Variants in SLFN11 observed in about 807,000 individuals in gnomAD.
SLFN11 encodes the protein schlafen family member 11.
SLFN11 carries 43 observed loss-of-function variants against 53.4 expected under a neutral mutation model. The ratio of observed to expected loss-of-function variants is 0.80; its 90% CI spans 0.63 to 1.04. The LOEUF (loss-of-function observed/expected upper bound fraction) is 1.04. Among genes scored for constraint, SLFN11 ranks in the 50% least tolerant of loss-of-function variants. SLFN11 has a pLI of 0.00. For missense variants in SLFN11, 990 were observed against 1,079.1 expected (o/e 0.92, Z 1.16); for synonymous variants, 389 against 394.7 (o/e 0.99, Z 0.17).
chr17:35,352,452 T>C lies in SLFN11; in HGVS notation c.2610A>G (p.Pro870=), dbSNP rs1321878013. 6.2e-7 allele frequency: 1 copy of C among 1,614,120 alleles called. No individual in the cohort carries two copies. The highest frequency in any genetic ancestry group is 8.5e-7 in the Non-Finnish European group (1 of 1,180,044). The change falls in exon 7 of 7, where the codon CCA becomes CCG. Residue 870 remains proline, a synonymous_variant. Transcript: ENST00000685675. ...LERSIVFGIH[P]RTADPAILPN... ...GTAAGATAGCTGGGTCAGCTGTCCTTGGATGGATCCCAAACACTATGCTCC... is the reference window on the plus strand; with the variant it reads ...GTAAGATAGCTGGGTCAGCTGTCCTCGGATGGATCCCAAACACTATGCTCC...
rs1010541525 is a variant in SLFN11 at position 35,351,371 on chromosome 17, T to C, written c.*985A>G. The C allele has an allele frequency of 6.6e-6, 1 of 152,072 alleles. No individual in the cohort carries two copies. The highest frequency in any genetic ancestry group is 2.4e-5 in the African/African-American group (1 of 41,400). 9.4% of individuals were successfully genotyped at this position (152,072 alleles called of 1,614,324 possible). A position where few individuals can be genotyped will look rare whatever the true frequency, so the allele number is the denominator to read the frequency against. ...AGGTTGGGGCTTCAACACGGGAATT[T>C]GGGGGTGAAGGGTGGGACACAAACA... On this transcript the variant is annotated 3_prime_UTR_variant, in exon 7 of 7. Transcript: ENST00000685675.
At chr17:35,367,339 C>T (rs1909081264) in intron 2 of SLFN11, 1 of 152,090 alleles carries the variant, frequency 6.6e-6, no homozygotes. Flanking sequence ...CCACCATCTG[C>T]TTAGATTCTT....
rs1567816149 is a variant in SLFN11 at position 35,353,359 on chromosome 17, G to T, written c.1899C>A (p.Asn633Lys). 1 of 1,612,852 alleles carries T rather than the reference G, an allele frequency of 6.2e-7. No individual in the cohort carries two copies. Residue 633 changes from asparagine to lysine, a missense_variant, in exon 6 of 7, where the codon AAC (asparagine) becomes AAA (lysine). Transcript: ENST00000685675. Reference sequence around the variant, plus strand: ...ACCTGATAAAGTTCCTCAGAGGCTGGTTTTCACAAACGTAGAGAATTCTGT... The same window carrying T: ...ACCTGATAAAGTTCCTCAGAGGCTGTTTTTCACAAACGTAGAGAATTCTGT... Reference protein sequence around the residue: ...EAHRILYVCENQPLRNFISDR... With the variant: ...EAHRILYVCEKQPLRNFISDR...
At chr17:35,358,912 A>G (rs1907852009) in intron 5 of SLFN11, among the ~76,000 whole-genome samples, 1 of 152,024 alleles carries the variant, frequency 6.6e-6, no homozygotes, top group South Asian at 2.1e-4. Context: ...TAGCTTCTCA[A>G]GAAACTGAGG....
intron 5 of SLFN11, 155 bp downstream of exon 5, chr17:35,360,088 A>G: frequency 1.4e-6 from 1 of 735,030 alleles, no homozygotes; most frequent in Non-Finnish European, 2.2e-6. Flanking sequence ...GTTCATTTCT[A>G]AACCACTTAT....
chr17:35,356,556 C>A (rs564872262), intron 5 of SLFN11, among the ~76,000 whole-genome samples: 9 of 152,164 alleles, frequency 5.9e-5, no homozygotes, highest in African/African-American at 1.9e-4. Flanking sequence ...AGGTAGCAAA[C>A]CATTCAGCAA....
In SLFN11 at chr17:35,363,418, A is replaced by G; in HGVS notation, c.390T>C (p.Ser130=). 6.2e-7 allele frequency: 1 copy of G among 1,613,934 alleles called. No homozygotes were observed. The highest frequency in any genetic ancestry group is 8.5e-7 in the Non-Finnish European group (1 of 1,179,960). Residue 130 remains serine (S), a synonymous_variant, in exon 4 of 7, where the codon TCT becomes TCC. Coordinates refer to ENST00000685675, the MANE Select transcript of SLFN11 (RefSeq NM_001376007.1). ...SVKPRLCSLS[S]SLYRRSETSV... Reference sequence around the variant, plus strand: ...AGGTCTCAGATCTACGGTATAATGAAGAACTGAGGCTGCAAAGGCGGGGCT... The same window carrying G: ...AGGTCTCAGATCTACGGTATAATGAGGAACTGAGGCTGCAAAGGCGGGGCT...
chr17:35,358,790 C>T (rs1907838180), intron 5 of SLFN11, among the ~76,000 whole-genome samples: 2 of 151,872 alleles, frequency 1.3e-5, no homozygotes, highest in South Asian at 4.2e-4. Flanking sequence ...TCTGAGTTTT[C>T]CTTTTCCTTT....
At chr17:35,364,541 T>C (rs1043899017) in intron 3 of SLFN11, among the ~76,000 whole-genome samples, 3 of 152,152 alleles carry the variant, frequency 2.0e-5, no homozygotes, top group African/African-American at 7.2e-5. Context: ...TGAAAAATGC[T>C]GTTCAGACAC....
rs1313656876 is a variant in SLFN11, at chr17:35,350,891, T to C, written c.*1465A>G. The C allele has an allele frequency of 6.6e-6, 1 of 152,226 alleles. No homozygotes were observed. The highest frequency in any genetic ancestry group is 1.5e-5 in the Non-Finnish European group (1 of 68,048). The allele number at this position is 152,226 out of a possible 1,614,324, so 9.4% of individuals were successfully genotyped here. ...TCTTAGTTTCCATTAGTTATGCAAA[T>C]ATTTTACTGTTAATATTTAGATTAG... On this transcript the variant is annotated 3_prime_UTR_variant, in exon 7 of 7. Transcript: ENST00000685675.
chr17:35,367,521 A>G (rs1157648184), intron 2 of SLFN11, 82 bp downstream of exon 2: 1 of 152,160 alleles, frequency 6.6e-6, no homozygotes, highest in Non-Finnish European at 1.5e-5. Context: ...GAATTCAGAA[A>G]AGAAACTCAG....
chr17:35,372,570 T>C (rs1015109955), intron 1 of SLFN11, among the ~76,000 whole-genome samples: 7 of 152,030 alleles, frequency 4.6e-5, no homozygotes, highest in Non-Finnish European at 1.0e-4. Flanking sequence ...ATGTACCCCA[T>C]AAATATACAC....
Position 35,363,098 on chromosome 17 carries a change from G to T in SLFN11, c.710C>A (p.Ala237Glu). Reference protein sequence around the residue: ...VKRTIPEYVPAFANTGGGYLF... With the variant: ...VKRTIPEYVPEFANTGGGYLF... ...ATAGCCTCCTCCAGTGTTTGCAAAT[G>T]CAGGGACGTATTCTGGAATTGTCCT... The change falls in exon 4 of 7, where the codon GCA becomes GAA. Residue 237 changes from alanine (A) to glutamate (E), a missense_variant. This residue lies in a region of SLFN11 where 521 missense variants were observed against 516.2 expected (regional missense o/e 1.01). Coordinates refer to ENST00000685675, the MANE Select transcript of SLFN11 (RefSeq NM_001376007.1). 7 of 1,613,914 alleles carry T rather than the reference G, an allele frequency of 4.3e-6. No homozygotes were observed. Among genetic ancestry groups the T allele is most frequent in the Non-Finnish European group, 5.1e-6 (6 of 1,179,934 alleles).
intron 4 of SLFN11, among the ~76,000 whole-genome samples, chr17:35,362,535 T>C (rs1908356917): frequency 6.6e-6 from 1 of 152,108 alleles, no homozygotes; most frequent in Admixed American, 6.5e-5. Flanking sequence ...ATGTAGAAAA[T>C]TGGCCATTTA....
Position 35,363,143 on chromosome 17 carries a change from T to G in SLFN11, c.665A>C (p.His222Pro), listed in dbSNP as rs781283477. ...TGTCCTTTTTACATATTCTTGGAAG[T>G]GTTTTGTAGAGAACTGTTTAAACTC... is the stretch of plus-strand genomic sequence containing the variant. ...LVEFKQFSTK[H>P]FQEYVKRTIP... The change falls in exon 4 of 7, where the codon CAC becomes CCC. Residue 222 changes from histidine to proline, a missense_variant. His to Pro is a moderately conservative substitution (Grantham distance 77). Transcript: ENST00000685675. 1 of 1,613,728 alleles carries G rather than the reference T, an allele frequency of 6.2e-7. No homozygotes were observed. The highest frequency in any genetic ancestry group is 1.1e-5 in the South Asian group (1 of 91,052).
At position 35,367,585 on chromosome 17, in the gene SLFN11, A is replaced by T. The variant is rs1309988041; in HGVS notation, c.-137+18T>A. ...AAGCACCTGATTCTAGTCAGTTTAC[A>T]GGATAACTTTTTCAAACCTTTCAGT... On this transcript the variant is annotated intron_variant, in intron 2 of 6. Transcript: ENST00000685675. 1 of 152,194 alleles carries T rather than the reference A, an allele frequency of 6.6e-6. No individual in the cohort carries two copies. The highest frequency in any genetic ancestry group is 1.5e-5 in the Non-Finnish European group (1 of 68,044). The allele number at this position is 152,194 out of a possible 1,614,324, so 9.4% of individuals were successfully genotyped here. A position where few individuals can be genotyped will look rare whatever the true frequency, so the allele number is the denominator to read the frequency against.
At position 35,353,358 on chromosome 17, in the gene SLFN11, G is replaced by A. The variant is rs1464612733; in HGVS notation, c.1900C>T (p.Gln634Ter). ...AHRILYVCEN[Q>*]PLRNFISDRN... ...TACCTGATAAAGTTCCTCAGAGGCT[G>A]GTTTTCACAAACGTAGAGAATTCTG... Residue 634 changes from glutamine (Q) to a stop codon, truncating the protein, a stop_gained, in exon 6 of 7, where the codon CAG becomes TAG. Transcript: ENST00000685675. LOFTEE classifies it low-confidence loss of function (END_TRUNC). 1.9e-6 allele frequency: 3 copies of A among 1,612,814 alleles called. No individual in the cohort carries two copies. Among genetic ancestry groups the A allele is most frequent in the Non-Finnish European group, 2.5e-6 (3 of 1,179,578 alleles).
chr17:35,366,306 A>T (rs779663929), intron 3 of SLFN11, among the ~76,000 whole-genome samples: 66 of 152,264 alleles, frequency 4.3e-4, no homozygotes, highest in South Asian at 2.3e-3. Context: ...TGAAATAAAG[A>T]TTATGAATAA....
rs760533787 is a variant in SLFN11 at position 35,363,428 on chromosome 17, C to A, written c.380G>T (p.Ser127Ile). 2.5e-6 allele frequency: 4 copies of A among 1,613,886 alleles called. No homozygotes were observed. The highest frequency in any genetic ancestry group is 2.5e-6 in the Non-Finnish European group (3 of 1,179,944). Residue 127 changes from serine to isoleucine, a missense_variant, in exon 4 of 7, where the codon AGC becomes ATC. This residue lies in a region of SLFN11 where 521 missense variants were observed against 516.2 expected (regional missense o/e 1.01). Transcript: ENST00000685675. ...TCTACGGTATAATGAAGAACTGAGG[C>A]TGCAAAGGCGGGGCTTGACAGAGCG... ...EDRSVKPRLC[S>I]LSSSLYRRSE...
Sources: allele counts gnomAD v4.1 joint callset (sites outside exome capture counted in the v4.1 genomes callset), GRCh38; gene constraint gnomAD v4.1.1; regional missense constraint gnomAD v4.1.1; transcripts MANE v1.5; gene names NCBI Gene and HGNC (gene_info 2026-07-23, HGNC 2026-07-21).